COL24A1: variants seen among roughly 807,000 people sequenced by gnomAD.
COL24A1 encodes the protein collagen type XXIV alpha 1 chain.
A neutral mutation model predicts 253.9 loss-of-function variants in COL24A1; 224 were observed. The observed-to-expected ratio is 0.88, with a 90% confidence interval of 0.79 to 0.99. COL24A1 has a LOEUF of 0.99. Ranked by LOEUF, COL24A1 falls within the 50% of genes least tolerant of loss-of-function variation. The pLI is 0.00. For synonymous variants in COL24A1, 685 were observed against 673.7 expected (o/e 1.02, Z -0.26); for missense variants, 2,131 against 2,068.5 (o/e 1.03, Z -0.59).
chr1:86,105,309 T>A (rs1447720323), intron 5 of COL24A1, among the ~76,000 whole-genome samples: 6 of 152,140 alleles, frequency 3.9e-5, no homozygotes. Context: ...CACACATGCG[T>A]TAGCAAAGCA....
intron 18 of COL24A1, among the ~76,000 whole-genome samples, chr1:86,020,572 G>A (rs913401690): frequency 1.3e-5 from 2 of 152,002 alleles, no homozygotes; most frequent in African/African-American, 2.4e-5. Context: ...GTGTAAGCAC[G>A]ATACTTGACT....
chr1:86,108,834 G>A (rs1705270245), intron 5 of COL24A1, among the ~76,000 whole-genome samples: 1 of 151,838 alleles, frequency 6.6e-6, no homozygotes, highest in Non-Finnish European at 1.5e-5. Flanking sequence ...TCTCTAAAGG[G>A]AGAGTAAATT....
At chr1:85,874,776 C>A in intron 34 of COL24A1, 74 bp from the exon 35 acceptor site, 2 of 1,507,018 alleles carry the variant, frequency 1.3e-6, no homozygotes, top group Non-Finnish European at 9.1e-7. Flanking sequence ...GCATGCCATA[C>A]GGCACAGTTC....
intron 18 of COL24A1, among the ~76,000 whole-genome samples, chr1:86,021,592 C>G (rs1697544920): frequency 6.6e-6 from 1 of 151,948 alleles, no homozygotes; most frequent in Non-Finnish European, 1.5e-5. Context: ...GATGTATAGT[C>G]CTTAGAATAC....
At chr1:86,086,067 G>A (rs1703042473) in intron 7 of COL24A1, among the ~76,000 whole-genome samples, 1 of 151,922 alleles carries the variant, frequency 6.6e-6, no homozygotes, top group Admixed American at 6.5e-5. Context: ...AGACATTTTA[G>A]CTTTAAGGAT....
chr1:85,781,606 G>A (rs1669157548), intron 51 of COL24A1, among the ~76,000 whole-genome samples: 1 of 152,168 alleles, frequency 6.6e-6, no homozygotes, highest in East Asian at 1.9e-4. Flanking sequence ...ATATAAAAAA[G>A]AATAGAATGA....
At chr1:85,882,586 T>G (rs998100724) in intron 32 of COL24A1, among the ~76,000 whole-genome samples, 4 of 102,142 alleles carry the variant, frequency 3.9e-5, no homozygotes, top group African/African-American at 1.3e-4. Context: ...ATGTGCATTC[T>G]ACTGTTGTTG....
chr1:85,872,381 T>C (rs1031271121), intron 35 of COL24A1, among the ~76,000 whole-genome samples: 1 of 152,150 alleles, frequency 6.6e-6, no homozygotes, highest in African/African-American at 2.4e-5. Context: ...GAGCCTGCAT[T>C]ACCAAGACAA....
intron 55 of COL24A1, among the ~76,000 whole-genome samples, chr1:85,747,346 T>G (rs1161952013): frequency 1.3e-5 from 2 of 151,964 alleles, no homozygotes; most frequent in Admixed American, 6.6e-5. Flanking sequence ...ACTCCTGACC[T>G]CAGGTGATCT....
At chr1:86,101,954 A>G (rs2102051421) in intron 5 of COL24A1, among the ~76,000 whole-genome samples, 1 of 151,970 alleles carries the variant, frequency 6.6e-6, no homozygotes, top group South Asian at 2.1e-4. Context: ...TTCAGTAGGA[A>G]TTGTACCAGC....
At chr1:85,737,325 G>T in intron 58 of COL24A1, 71 bp downstream of exon 58, 1 of 828,708 alleles carries the variant, frequency 1.2e-6, no homozygotes, top group Non-Finnish European at 1.8e-6. Context: ...TAAAATGATA[G>T]AATTTTAAAC....
intron 7 of COL24A1, among the ~76,000 whole-genome samples, chr1:86,075,638 T>A (rs1024179262): frequency 6.6e-6 from 1 of 151,948 alleles, no homozygotes; most frequent in Non-Finnish European, 1.5e-5. Context: ...GATGCAAAAA[T>A]ACTCAAAAAA....
chr1:86,079,639 A>G (rs80240281), intron 7 of COL24A1, among the ~76,000 whole-genome samples: 10,544 of 152,280 alleles, frequency 0.069, 465 homozygotes, highest in Middle Eastern at 0.13. Flanking sequence ...AAAGATTTGA[A>G]CAGATATTTT....
intron 24 of COL24A1, among the ~76,000 whole-genome samples, chr1:85,912,810 T>C (rs1053569726): frequency 6.6e-6 from 1 of 152,194 alleles, no homozygotes; most frequent in Non-Finnish European, 1.5e-5. Context: ...TGACACATAC[T>C]GTAAATGTAA....
At chr1:85,859,783 T>G (rs1678925530) in intron 37 of COL24A1, among the ~76,000 whole-genome samples, 1 of 152,184 alleles carries the variant, frequency 6.6e-6, no homozygotes, top group South Asian at 2.1e-4. Context: ...TAGCAACTTT[T>G]TTTTACTATG....
intron 24 of COL24A1, among the ~76,000 whole-genome samples, chr1:85,942,949 TTACTTTGGGTGTGTCTACCAGGG>T (rs1688889702): frequency 6.6e-6 from 1 of 152,138 alleles, no homozygotes; most frequent in Non-Finnish European, 1.5e-5. Context: ...TGGTAAAGCA[TTACTTTGGGTGTGTCTACCAGGG>T]TGTTTCCAAA....
intron 19 of COL24A1, among the ~76,000 whole-genome samples, chr1:85,998,371 A>T (rs1695063609): frequency 1.3e-5 from 2 of 152,190 alleles, no homozygotes; most frequent in Non-Finnish European, 2.9e-5. Flanking sequence ...AACTTTCACA[A>T]TCCACCTTAG....
chr1:86,048,560 G>A (rs1008813652), intron 11 of COL24A1, among the ~76,000 whole-genome samples: 11 of 150,748 alleles, frequency 7.3e-5, no homozygotes, highest in East Asian at 2.0e-4. Context: ...GTGCAATCTC[G>A]GCTCACTGCA....
At chr1:86,089,644 A>G (rs1223583723) in intron 6 of COL24A1, among the ~76,000 whole-genome samples, 2 of 151,864 alleles carry the variant, frequency 1.3e-5, no homozygotes, top group Non-Finnish European at 2.9e-5. Context: ...ACATGGTGAA[A>G]CCCGTCTCTA....
Sources: allele counts gnomAD v4.1 joint callset (sites outside exome capture counted in the v4.1 genomes callset), GRCh38; gene constraint gnomAD v4.1.1; transcripts MANE v1.5; gene names NCBI Gene and HGNC (gene_info 2026-07-23, HGNC 2026-07-21).